Variants in GRM5 observed in about 807,000 individuals in gnomAD.
The protein encoded by GRM5 is glutamate metabotropic receptor 5.
In GRM5, 19 loss-of-function variants were observed where a neutral mutation model predicts 83.1. The ratio of observed to expected loss-of-function variants is 0.23; its 90% CI spans 0.16 to 0.34. GRM5 has a LOEUF of 0.34. GRM5 is among the 10% of genes least tolerant of loss of function. The pLI, the probability that GRM5 is intolerant of heterozygous loss-of-function variation, is 1.00. For synonymous variants in GRM5, 675 were observed against 633.6 expected (o/e 1.07, Z -0.98); for missense variants, 1,160 against 1,588.3 (o/e 0.73, Z 4.58).
intron 2 of GRM5, among the ~76,000 whole-genome samples, chr11:89,037,917 G>C (rs1384427993): frequency 1.3e-5 from 2 of 151,896 alleles, no homozygotes; most frequent in African/African-American, 4.8e-5. Context: ...TATTTTAAAT[G>C]GTAACCCACA....
chr11:88,680,926 G>A (rs1940468575), intron 3 of GRM5, among the ~76,000 whole-genome samples: 1 of 152,132 alleles, frequency 6.6e-6, no homozygotes, highest in South Asian at 2.1e-4. Flanking sequence ...AATACTATGT[G>A]AGAAAGATAG....
chr11:88,805,285 G>T (rs778509232), intron 3 of GRM5, among the ~76,000 whole-genome samples: 1 of 152,164 alleles, frequency 6.6e-6, no homozygotes, highest in South Asian at 2.1e-4. Flanking sequence ...TCCGCCTCCC[G>T]GATTCAAGTG....
chr11:88,625,550 T>C (rs1938770363), intron 4 of GRM5, among the ~76,000 whole-genome samples: 1 of 152,106 alleles, frequency 6.6e-6, no homozygotes, highest in African/African-American at 2.4e-5. Context: ...ACCGGCATTA[T>C]CCTATAGAAT....
chr11:88,926,259 G>C (rs1018248576), intron 2 of GRM5, among the ~76,000 whole-genome samples: 1 of 152,090 alleles, frequency 6.6e-6, no homozygotes. Context: ...GACTCCCCTG[G>C]ATGCTATTCT....
chr11:88,940,452 G>A (rs1331905573), intron 2 of GRM5, among the ~76,000 whole-genome samples: 2 of 150,156 alleles, frequency 1.3e-5, no homozygotes, highest in Non-Finnish European at 3.0e-5. Flanking sequence ...GGTGATGGGA[G>A]AAAGCGCTCC....
intron 7 of GRM5, among the ~76,000 whole-genome samples, chr11:88,589,903 TAATA>T (rs1234499450): frequency 6.6e-6 from 1 of 152,182 alleles, no homozygotes; most frequent in East Asian, 1.9e-4. Context: ...TGAGTGCATT[TAATA>T]AATGTTTATT....
intron 3 of GRM5, among the ~76,000 whole-genome samples, chr11:88,847,365 A>C (rs1156292925): frequency 3.3e-5 from 5 of 152,192 alleles, no homozygotes; most frequent in Non-Finnish European, 7.4e-5. Flanking sequence ...TTTGTCAAAT[A>C]ATGATTAAAT....
chr11:89,051,195 G>T (rs751490448), intron 1 of GRM5, among the ~76,000 whole-genome samples: 9 of 152,020 alleles, frequency 5.9e-5, no homozygotes, highest in Admixed American at 1.3e-4. Flanking sequence ...GGCAGGGCTT[G>T]CAGTGAGTGG....
At chr11:88,527,592 A>G (rs1941909285) in intron 8 of GRM5, among the ~76,000 whole-genome samples, 1 of 152,336 alleles carries the variant, frequency 6.6e-6, no homozygotes, top group African/African-American at 2.4e-5. Flanking sequence ...ATTACTGGTC[A>G]TATACCTAAA....
intron 2 of GRM5, among the ~76,000 whole-genome samples, chr11:89,046,654 G>T (rs1197225895): frequency 6.6e-6 from 1 of 152,032 alleles, no homozygotes; most frequent in East Asian, 1.9e-4. Flanking sequence ...TCTATACAAG[G>T]ATAAAATTAA....
intron 2 of GRM5, among the ~76,000 whole-genome samples, chr11:88,879,134 G>A (rs949167532): frequency 3.9e-5 from 6 of 152,032 alleles, no homozygotes; most frequent in African/African-American, 9.7e-5. Context: ...AATATAAAAT[G>A]TGAGGAAAAA....
intron 9 of GRM5, 114 bp downstream of exon 9, chr11:88,525,195 G>T: frequency 2.9e-6 from 2 of 694,194 alleles, no homozygotes; most frequent in South Asian, 1.7e-5. Context: ...GCCTGGGTTG[G>T]ACACACTGTA....
rs570956633 is a variant in GRM5, at chr11:88,987,267, G to A, written c.661+59945C>T. Reference sequence around the variant, plus strand: ...GGTGACCCACGGCACCTGGAAAATCGGGTCACTCCCACCCAAATACTGCGC... The same window carrying A: ...GGTGACCCACGGCACCTGGAAAATCAGGTCACTCCCACCCAAATACTGCGC... On this transcript the variant is annotated intron_variant, in intron 2 of 9. Transcript: ENST00000305447. Among the ~76,000 whole-genome samples, 11 of 152,148 alleles carry A rather than the reference G, an allele frequency of 7.2e-5. No individual in the cohort carries two copies. The Middle Eastern group carries it at 0.01, about 141-fold the overall frequency.
At chr11:88,790,165 G>A (rs930503606) in intron 3 of GRM5, among the ~76,000 whole-genome samples, 13 of 152,064 alleles carry the variant, frequency 8.5e-5, no homozygotes, top group African/African-American at 2.4e-4. Context: ...CACCTGGCTC[G>A]TACAAGCAAC....
intron 3 of GRM5, among the ~76,000 whole-genome samples, chr11:88,747,972 C>T (rs1464540124): frequency 1.3e-5 from 2 of 152,074 alleles, no homozygotes; most frequent in Non-Finnish European, 2.9e-5. Context: ...ATTGACTAGG[C>T]AAACAACCTG....
intron 3 of GRM5, among the ~76,000 whole-genome samples, chr11:88,828,667 G>A (rs12279093): frequency 0.026 from 3,881 of 152,132 alleles, 173 homozygotes; most frequent in African/African-American, 0.089. Context: ...CAAGAAAATA[G>A]TATCATTAGT....
intron 4 of GRM5, among the ~76,000 whole-genome samples, chr11:88,609,581 G>A (rs531233794): frequency 6.6e-6 from 1 of 152,164 alleles, no homozygotes; most frequent in South Asian, 2.1e-4. Flanking sequence ...TTTAAATGGG[G>A]TTGTTTTTTG....
At chr11:88,908,665 G>A (rs1327772643) in intron 2 of GRM5, among the ~76,000 whole-genome samples, 1 of 151,900 alleles carries the variant, frequency 6.6e-6, no homozygotes, top group East Asian at 1.9e-4. Flanking sequence ...TCATTTTCTA[G>A]GTATATTGGA....
chr11:88,768,476 T>G (rs759382938), intron 3 of GRM5, among the ~76,000 whole-genome samples: 1 of 151,870 alleles, frequency 6.6e-6, no homozygotes, highest in African/African-American at 2.4e-5. Context: ...TTAATAGGTA[T>G]AGAGGTTCAC....
Sources: gnomAD v4.1 joint callset for allele counts (sites outside exome capture counted in the v4.1 genomes callset) on GRCh38, gnomAD v4.1.1 for gene constraint, MANE v1.5 for transcripts, NCBI Gene and HGNC (gene_info 2026-07-23, HGNC 2026-07-21) for gene names.